The following LTBP4 variants were observed in gnomAD, a reference collection of about 807,000 sequenced individuals.
LTBP4 encodes latent-transforming growth factor beta-binding protein 4.
Under a neutral mutation model 180.2 loss-of-function variants are expected in LTBP4, and 93 were observed. The observed-to-expected ratio is 0.52, with a 90% CI of 0.44 to 0.61. The LOEUF is 0.61. LTBP4 is among the 20% of genes least tolerant of loss of function. The pLI is 0.00. For synonymous variants in LTBP4, 947 were observed against 934.5 expected, an observed-to-expected ratio of 1.01 and a Z score of -0.24; for missense variants, 2,116 against 2,256.5, an observed-to-expected ratio of 0.94 and a Z score of 1.26.
At position 40,608,165 on chromosome 19, in the gene LTBP4, C is replaced by G. The variant is rs537770384; in HGVS notation, c.1157-55C>G. The G allele has an allele frequency of 2.1e-4, 343 of 1,602,382 alleles. No homozygotes were observed. In the African/African-American group the frequency reaches 4.2e-3, roughly 20 times the overall value. On this transcript the variant is annotated intron_variant, in intron 7 of 29. Transcript: ENST00000396819. ...AGCCAAGGCCAGAGTCTGGGCTGGC[C>G]ATCGTTTTCTTCCCGCTCTCTTGTC...
intron 19 of LTBP4, chr19:40,615,466 A>G (rs901046748): frequency 1.3e-5 from 2 of 152,230 alleles, no homozygotes; most frequent in African/African-American, 4.8e-5. Flanking sequence ...TAAATTCAAG[A>G]TTTATACAGC....
chr19:40,609,829 G>A lies in LTBP4; in HGVS notation c.1642G>A (p.Gly548Ser). Residue 548 changes from glycine (G) to serine (S), a missense_variant, in exon 11 of 30, where the codon GGC (glycine) becomes AGC (serine). By Grantham distance (56) the Gly-to-Ser change is moderately conservative. Transcript: ENST00000396819. This position sits in a 1 kb window ranked among gnomAD's most constrained non-coding sequence, Gnocchi z 4.9. ...NSPGSFRCVC[G>S]PGFRAGPRAA... Reference sequence around the variant, plus strand: ...ACCAGGCAGCTTCCGCTGCGTGTGCGGCCCGGGCTTCCGAGCCGGCCCACG... The same window carrying A: ...ACCAGGCAGCTTCCGCTGCGTGTGCAGCCCGGGCTTCCGAGCCGGCCCACG... 6.3e-7 allele frequency: 1 copy of A among 1,599,786 alleles called. No individual in the cohort carries two copies. The highest frequency in any genetic ancestry group is 1.7e-5 in the Admixed American group (1 of 58,744).
intron 1 of LTBP4, among the ~76,000 whole-genome samples, chr19:40,602,190 G>T (rs1283902015): frequency 2.0e-5 from 3 of 148,676 alleles, no homozygotes; most frequent in African/African-American, 7.6e-5. Context: ...TGTGGCGGCG[G>T]GGGTGGGGTG....
chr19:40,608,132 C>T, intron 7 of LTBP4, 88 bp from the exon 8 acceptor site: 1 of 1,470,202 alleles, frequency 6.8e-7, no homozygotes, highest in Non-Finnish European at 9.4e-7. Flanking sequence ...CAGCCAAGCC[C>T]TGCCCCTAGC....
At position 40,622,892 on chromosome 19, in the gene LTBP4, A is replaced by G. The variant is rs908168215; in HGVS notation, c.3485-58A>G. ...ACTTTTGTGACAAGTGGGCACGAGC[A>G]GGTCAGGGCTGGGGCTGGGGCTCTG... is the stretch of plus-strand genomic sequence containing the variant. On this transcript the variant is annotated intron_variant, in intron 23 of 29. Coordinates refer to ENST00000396819, the MANE Select transcript of LTBP4 (RefSeq NM_001042545.2). The surrounding 1 kb of genome is among the most constrained non-coding windows in gnomAD (Gnocchi z 5.1). 1 of 1,545,150 alleles carries G rather than the reference A, an allele frequency of 6.5e-7. No individual in the cohort carries two copies.
At chr19:40,617,643 C>CAAAAAAAAA in intron 21 of LTBP4, among the ~76,000 whole-genome samples, 1 of 118,766 alleles carries the variant, frequency 8.4e-6, no homozygotes, top group Non-Finnish European at 1.9e-5. Flanking sequence ...GACCCTGTCT[C>CAAAAAAAAA]AAAAAAAAAA....
Position 40,624,098 on chromosome 19 carries a change from C to T in LTBP4, c.3832+16C>T. ...CAGAGCCTCGGTAACCCCGCCCACG[C>T]CATCCAGGCCCTCCTTCCCTTGGCT... is the stretch of plus-strand genomic sequence containing the variant. On this transcript the variant is annotated intron_variant, in intron 26 of 29. Coordinates refer to ENST00000396819, the MANE Select transcript of LTBP4 (RefSeq NM_001042545.2). The T allele has an allele frequency of 6.6e-7, 1 of 1,517,316 alleles. No homozygotes were observed. Among genetic ancestry groups the T allele is most frequent in the Non-Finnish European group, 8.8e-7 (1 of 1,129,946 alleles). 94.0% of individuals were successfully genotyped at this position (1,517,316 alleles called of 1,614,324 possible).
In LTBP4 at chr19:40,629,445, C is replaced by G; in HGVS notation, c.4569C>G (p.Asn1523Lys). ...EAEAASPLCV[N>K]ARCLNTDGSF... The stretch of plus-strand genomic sequence containing the variant: ...AGGCTGCCTCCCCGCTGTGCGTCAA[C>G]GCGCGTTGCCTCAACACGGATGGCT... Residue 1523 changes from asparagine (N) to lysine (K), a missense_variant, in exon 30 of 30, where the codon AAC becomes AAG. By Grantham distance (94) the Asn-to-Lys change is moderately conservative. Around this residue, in one of 5 missense-constraint regions of LTBP4, gnomAD observed 488 missense variants for 458.8 expected, o/e 1.06. Coordinates refer to ENST00000396819, the MANE Select transcript of LTBP4 (RefSeq NM_001042545.2). The surrounding 1 kb of genome is among the most constrained non-coding windows in gnomAD (Gnocchi z 4.5). 1 of 1,612,556 alleles carries G rather than the reference C, an allele frequency of 6.2e-7. No homozygotes were observed. The highest frequency in any genetic ancestry group is 8.5e-7 in the Non-Finnish European group (1 of 1,179,422).
chr19:40,617,306 C>A, intron 21 of LTBP4, 81 bp downstream of exon 21: 12 of 1,492,452 alleles, frequency 8.0e-6, no homozygotes, highest in South Asian at 1.3e-5. Context: ...TATATCTGAA[C>A]AAATGGGAAT....
At chr19:40,601,288 C>A, upstream of LTBP4, 1 of 910,058 alleles carries the variant, frequency 1.1e-6, no homozygotes, top group Non-Finnish European at 1.3e-6. Context: ...GGGGCCTGAG[C>A]GGGGGCGCGG....
chr19:40,608,737 C>A, intron 9 of LTBP4, 134 bp downstream of exon 9: 1 of 971,604 alleles, frequency 1.0e-6, no homozygotes, highest in South Asian at 1.6e-5. Flanking sequence ...ATGGCGAAAC[C>A]CTGTCTCTAC....
chr19:40,605,232 GA>G lies in LTBP4; in HGVS notation c.442+9del. The G allele has an allele frequency of 6.3e-7, 1 of 1,584,872 alleles. No individual in the cohort carries two copies. The stretch of plus-strand genomic sequence containing the variant: ...CCACCGCGACGACGAGCACGGTGAG[GA>G]AAGGGTGGCCAGAGTCCCCTCCGAC... On this transcript the variant is annotated splice_region_variant and intron_variant, in intron 2 of 29. Transcript: ENST00000396819. The surrounding 1 kb of genome is among the most constrained non-coding windows in gnomAD (Gnocchi z 5.5).
At position 40,613,290 on chromosome 19, in the gene LTBP4, T is replaced by C. The variant is rs921685055; in HGVS notation, c.2431+94T>C. ...AAAGGTGGAGGCGGGACCAAGGCGC[T>C]GTGGGAGGAGCTTAGAAACCTGGCA... On this transcript the variant is annotated intron_variant, in intron 16 of 29. Coordinates refer to ENST00000396819, the MANE Select transcript of LTBP4 (RefSeq NM_001042545.2). This position sits in a 1 kb window ranked among gnomAD's most constrained non-coding sequence, Gnocchi z 5.0. 1.2e-5 allele frequency: 19 copies of C among 1,543,850 alleles called. No homozygotes were observed. The highest frequency in any genetic ancestry group is 1.6e-5 in the Non-Finnish European group (18 of 1,141,832).
Position 40,614,436 on chromosome 19 carries a change from C to T in LTBP4, c.2802C>T (p.Gly934=), listed in dbSNP as rs757401874. The change falls in exon 19 of 30, where the codon GGC becomes GGT. Residue 934 remains glycine, a synonymous_variant. Transcript: ENST00000396819. Reference sequence around the variant, plus strand: ...CTGGGTACCACGCGGGCCCCGAGGGCACCTGTGACGGTGAGCCTGCCCCCA... The same window carrying T: ...CTGGGTACCACGCGGGCCCCGAGGGTACCTGTGACGGTGAGCCTGCCCCCA... ...CDPGYHAGPE[G]TCDDVDECQE... is the part of the protein sequence containing the mutation. 3 of 1,598,864 alleles carry T rather than the reference C, an allele frequency of 1.9e-6. No homozygotes were observed. The highest frequency in any genetic ancestry group is 1.7e-5 in the Admixed American group (1 of 59,954).
chr19:40,606,469 T>C lies in LTBP4; in HGVS notation c.934T>C (p.Tyr312His). 1 of 1,582,628 alleles carries C rather than the reference T, an allele frequency of 6.3e-7. No homozygotes were observed. Among genetic ancestry groups the C allele is most frequent in the Non-Finnish European group, 8.6e-7 (1 of 1,165,910 alleles). Residue 312 changes from tyrosine (Y) to histidine (H), a missense_variant, in exon 6 of 30, where the codon TAC becomes CAC. Coordinates refer to ENST00000396819, the MANE Select transcript of LTBP4 (RefSeq NM_001042545.2). ...CGAGTGTGCAAACACGCGCGGCGGG[T>C]ACACGTGTGTGTGCCCCGACGGCTT... ...HGECANTRGG[Y>H]TCVCPDGFLL...
chr19:40,624,097 G>A lies in LTBP4; in HGVS notation c.3832+15G>A, dbSNP rs778321413. The A allele has an allele frequency of 3.2e-5, 48 of 1,517,450 alleles. No homozygotes were observed. The highest frequency in any genetic ancestry group is 8.1e-5 in the Admixed American group (4 of 49,516). The allele number at this position is 1,517,450 out of a possible 1,614,324, so 94.0% of individuals were successfully genotyped here. ...CCAGAGCCTCGGTAACCCCGCCCAC[G>A]CCATCCAGGCCCTCCTTCCCTTGGC... On this transcript the variant is annotated intron_variant, in intron 26 of 29. Coordinates refer to ENST00000396819, the MANE Select transcript of LTBP4 (RefSeq NM_001042545.2).
chr19:40,623,908 G>T (rs1464772640), intron 25 of LTBP4, 28 bp from the exon 26 acceptor site: 1 of 1,612,650 alleles, frequency 6.2e-7, no homozygotes, highest in South Asian at 1.1e-5. Flanking sequence ...GAGTTGAAGG[G>T]GATGCCTCTT....
rs60121587 is a variant in LTBP4, at chr19:40,595,905, A to ATTT, written c.16+2755_16+2757dup. Among the ~76,000 whole-genome samples, 267 of 60,072 alleles carry ATTT rather than the reference A, an allele frequency of 4.4e-3. 6 individuals are homozygous for ATTT. The highest frequency in any genetic ancestry group is 4.7e-3 in the Non-Finnish European group (168 of 35,590). 39.4% of individuals were successfully genotyped at this position (60,072 alleles called of 152,430 possible). On this transcript the variant is annotated intron_variant, in intron 1 of 32. Coordinates refer to the LTBP4 transcript ENST00000204005. ...GCCACCATACCCGGCTAATTTTTGG[A>ATTT]TTTTTTTTTTTTTTTTTTTTTTTTT...
rs375965442 is a variant in LTBP4 at position 40,619,992 on chromosome 19, C to T, written c.3217+499C>T. On this transcript the variant is annotated intron_variant, in intron 22 of 29. Transcript: ENST00000396819. Reference sequence around the variant, plus strand: ...GGGATGAATAGAAATGAGCCAGGCCCGATGAGTGAGGAGGGCATTCTGGGC... The same window carrying T: ...GGGATGAATAGAAATGAGCCAGGCCTGATGAGTGAGGAGGGCATTCTGGGC... Among the ~76,000 whole-genome samples the T allele has an allele frequency of 5.3e-5, 8 of 151,978 alleles. No homozygotes were observed. In the East Asian group the frequency reaches 9.6e-4, roughly 18 times the overall value.
Sources: gnomAD v4.1 joint callset for allele counts (sites outside exome capture counted in the v4.1 genomes callset) on GRCh38, gnomAD v4.1.1 for gene constraint, gnomAD v4.1.1 regional missense constraint, Gnocchi (gnomAD v3.1) non-coding constraint, MANE v1.5 for transcripts, NCBI Gene and HGNC (gene_info 2026-07-23, HGNC 2026-07-21) for gene names.